GPR15LG: variants seen among roughly 807,000 people sequenced by gnomAD.
GPR15LG encodes the protein G protein-coupled receptor 15 ligand.
chr10:84,184,765 A>G, the GPR15LG span: 1 of 1,613,826 alleles, frequency 6.2e-7, no homozygotes, highest in Admixed American at 1.7e-5. Context: ...CCACAGGTGT[A>G]GCACTCCCAA....
the GPR15LG span, among the ~76,000 whole-genome samples, chr10:84,182,424 G>C: frequency 3.3e-5 from 5 of 152,158 alleles, no homozygotes; most frequent in African/African-American, 4.8e-5. Flanking sequence ...TTCTAGTCTT[G>C]GCTGGACTCA....
chr10:84,181,239 A>AT, the GPR15LG span, among the ~76,000 whole-genome samples: 432 of 104,114 alleles, frequency 4.1e-3, 6 homozygotes, highest in Non-Finnish European at 5.7e-3. Context: ...TAAAAAATTA[A>AT]ATTTTTTTTT....
At chr10:84,177,422 C>A in the GPR15LG span, among the ~76,000 whole-genome samples, 2 of 152,290 alleles carry the variant, frequency 1.3e-5, no homozygotes, top group Non-Finnish European at 2.9e-5. Context: ...GGGGCTCCTG[C>A]CTGAACTCTG....
the GPR15LG span, among the ~76,000 whole-genome samples, chr10:84,177,398 C>T: frequency 6.6e-6 from 1 of 152,284 alleles, no homozygotes; most frequent in South Asian, 2.1e-4. Context: ...AGTCAGACAG[C>T]CTGACACCAA....
the GPR15LG span, among the ~76,000 whole-genome samples, chr10:84,179,877 CTTTTTT>C: frequency 7.6e-6 from 1 of 132,324 alleles, no homozygotes; most frequent in African/African-American, 2.7e-5. Flanking sequence ...TTTAAAAAGG[CTTTTTT>C]TTTTTTTTTA....
At chr10:84,175,257 A>C in the GPR15LG span, among the ~76,000 whole-genome samples, 1 of 152,198 alleles carries the variant, frequency 6.6e-6, no homozygotes. Flanking sequence ...AATTCCTCAT[A>C]AACACAGCCC....
the GPR15LG span, among the ~76,000 whole-genome samples, chr10:84,179,148 T>A: frequency 6.6e-6 from 1 of 152,208 alleles, no homozygotes; most frequent in Non-Finnish European, 1.5e-5. Context: ...CACCACCCAC[T>A]GGCTGTGCCT....
At chr10:84,184,634 C>T in the GPR15LG span, 5 of 1,598,680 alleles carry the variant, frequency 3.1e-6, no homozygotes, top group Non-Finnish European at 3.4e-6. Context: ...TCTGACCTCG[C>T]CATCTTCCTG....
At chr10:84,184,020 A>G in the GPR15LG span, among the ~76,000 whole-genome samples, 64 of 151,736 alleles carry the variant, frequency 4.2e-4, no homozygotes, top group Admixed American at 1.2e-3. Flanking sequence ...TTTTTCTGCA[A>G]TTAAAAACAA....
the GPR15LG span, among the ~76,000 whole-genome samples, chr10:84,183,448 T>C: frequency 6.6e-6 from 1 of 152,328 alleles, no homozygotes; most frequent in East Asian, 1.9e-4. Context: ...TCTCATTCAT[T>C]TGTGTGTCCT....
the GPR15LG span, among the ~76,000 whole-genome samples, chr10:84,181,031 C>T: frequency 5.3e-5 from 8 of 150,844 alleles, no homozygotes; most frequent in East Asian, 7.8e-4. Context: ...GCCAAGACGG[C>T]GGCAGTACAG....
chr10:84,178,044 C>T, the GPR15LG span, among the ~76,000 whole-genome samples: 3 of 151,864 alleles, frequency 2.0e-5, no homozygotes, highest in Non-Finnish European at 4.4e-5. Context: ...CGCACACAGA[C>T]TCACACCACA....
the GPR15LG span, chr10:84,173,922 G>A: frequency 6.2e-7 from 1 of 1,609,958 alleles, no homozygotes. Flanking sequence ...TCCACAGAAG[G>A]TAGGGCAGCC....
At chr10:84,179,058 G>A in the GPR15LG span, among the ~76,000 whole-genome samples, 3 of 152,172 alleles carry the variant, frequency 2.0e-5, no homozygotes, top group Admixed American at 6.5e-5. Context: ...TTCTGTAGCC[G>A]GTGTATGAAG....
the GPR15LG span, chr10:84,184,969 T>G: frequency 6.4e-6 from 9 of 1,416,614 alleles, no homozygotes; most frequent in Non-Finnish European, 8.3e-6. Context: ...AGAGCTATCA[T>G]GAGCCAACCT....
the GPR15LG span, chr10:84,176,469 T>A: frequency 1.2e-6 from 2 of 1,601,510 alleles, no homozygotes; most frequent in Non-Finnish European, 1.7e-6. Flanking sequence ...TTCCTTTGTG[T>A]CCACCCTCAG....
chr10:84,182,989 A>T, the GPR15LG span, among the ~76,000 whole-genome samples: 98 of 152,008 alleles, frequency 6.4e-4, no homozygotes, highest in East Asian at 3.5e-3. Flanking sequence ...TATTACTAGG[A>T]TTATCACTAT....
the GPR15LG span, chr10:84,185,017 T>C: frequency 7.5e-7 from 1 of 1,336,974 alleles, no homozygotes; most frequent in Non-Finnish European, 9.6e-7. Context: ...TGTGGGCCTC[T>C]CCAGTGCAAA....
At chr10:84,174,129 G>A in the GPR15LG span, among the ~76,000 whole-genome samples, 1 of 152,138 alleles carries the variant, frequency 6.6e-6, no homozygotes, top group Admixed American at 6.5e-5. Context: ...CACAGCCCCT[G>A]CACCCCCAAA....
Sources: gnomAD v4.1 joint callset for allele counts (sites outside exome capture counted in the v4.1 genomes callset) on GRCh38, gnomAD v4.1.1 for gene constraint, MANE v1.5 for transcripts, NCBI Gene and HGNC (gene_info 2026-07-23, HGNC 2026-07-21) for gene names.